Variants in MYO18B observed in about 807,000 individuals in gnomAD.
The protein encoded by MYO18B is unconventional myosin-XVIIIb.
A neutral mutation model predicts 273.0 loss-of-function variants in MYO18B; 204 were observed. That is an observed-to-expected ratio of 0.75 (90% confidence interval 0.67 to 0.84). The LOEUF (loss-of-function observed/expected upper bound fraction) is 0.84, where lower values mean the gene tolerates loss of function less well. Ranked by LOEUF, MYO18B falls within the 40% of genes least tolerant of loss-of-function variation. MYO18B has a pLI of 0.00. For missense variants in MYO18B, 3,212 were observed against 3,287.6 expected, an observed-to-expected ratio of 0.98 and a Z score of 0.56; for synonymous variants, 1,330 against 1,305.7, an observed-to-expected ratio of 1.02 and a Z score of -0.40.
the MYO18B span, among the ~76,000 whole-genome samples, chr22:26,062,544 A>G: frequency 3.3e-5 from 5 of 152,190 alleles, no homozygotes; most frequent in Admixed American, 6.5e-5. Flanking sequence ...CAAGTCGGAA[A>G]CTGGTTCCAT....
At chr22:26,041,168 AAGCTATCATT>A in the MYO18B span, among the ~76,000 whole-genome samples, 1 of 151,800 alleles carries the variant, frequency 6.6e-6, no homozygotes, top group Non-Finnish European at 1.5e-5. Flanking sequence ...TTTTCCTCAT[AAGCTATCATT>A]AGTGTTAGGG....
chr22:25,891,374 T>G lies in MYO18B; in HGVS notation c.4505T>G (p.Ile1502Ser). Residue 1502 changes from isoleucine to serine, a missense_variant, in exon 27 of 44, where the codon ATT becomes AGT. Coordinates refer to ENST00000335473, the MANE Select transcript of MYO18B (RefSeq NM_032608.7). ...CAGTTGGAAGAAGCCCAGCAGAAAATTCAGTTGAATGACTTGGAAAGGAAT... is the reference window on the plus strand; with the variant it reads ...CAGTTGGAAGAAGCCCAGCAGAAAAGTCAGTTGAATGACTTGGAAAGGAAT... ...NKQLEEAQQK[I>S]QLNDLERNPT... The G allele has an allele frequency of 6.3e-7, 1 of 1,585,764 alleles. No homozygotes were observed. Among genetic ancestry groups the G allele is most frequent in the Non-Finnish European group, 8.6e-7 (1 of 1,165,834 alleles).
intron 40 of MYO18B, among the ~76,000 whole-genome samples, chr22:26,002,133 C>T (rs532637953): frequency 6.6e-6 from 1 of 152,322 alleles, no homozygotes; most frequent in South Asian, 2.1e-4. Flanking sequence ...TGTTCCACTG[C>T]AGAGTCTTTT....
In MYO18B at chr22:25,753,330, G is replaced by C. The variant is rs568976213; in HGVS notation, c.-109-7654G>C. On this transcript the variant is annotated intron_variant, in intron 1 of 43. Transcript: ENST00000335473. Reference sequence around the variant, plus strand: ...TCAGCAGTCTGGCACTCTGTGTCTAGCTAAGGATTTGTAAACGCACCAATC... The same window carrying C: ...TCAGCAGTCTGGCACTCTGTGTCTACCTAAGGATTTGTAAACGCACCAATC... Among the ~76,000 whole-genome samples, 4 of 152,310 alleles carry C rather than the reference G, an allele frequency of 2.6e-5. No individual in the cohort carries two copies. In the South Asian group the frequency reaches 8.3e-4, roughly 32 times the overall value.
intron 39 of MYO18B, among the ~76,000 whole-genome samples, chr22:25,977,231 A>G (rs1425563005): frequency 6.6e-6 from 1 of 152,118 alleles, no homozygotes; most frequent in Non-Finnish European, 1.5e-5. Context: ...CAGTCATTTT[A>G]ATCATCAGTG....
chr22:25,780,218 G>C lies in MYO18B; in HGVS notation c.2211+20G>C. 1 of 1,592,512 alleles carries C rather than the reference G, an allele frequency of 6.3e-7. No individual in the cohort carries two copies. Among genetic ancestry groups the C allele is most frequent in the Non-Finnish European group, 8.5e-7 (1 of 1,172,102 alleles). On this transcript the variant is annotated intron_variant, in intron 9 of 43. Transcript: ENST00000335473. ...CTCCAGGTGAGGCCTCTCGGGGGAT[G>C]TGCAAGGGGGCCCTTGGGGCTGCTG... is the stretch of plus-strand genomic sequence containing the variant.
rs763943362 is a variant in MYO18B, at chr22:25,828,846, CG to C, written c.2859del (p.His954ThrfsTer86). On this transcript the variant is annotated frameshift_variant, in exon 15 of 44. Transcript: ENST00000335473. LOFTEE classifies it high-confidence loss of function. Reference protein sequence around the residue: ...VVDSPGFQNPRHQGKDRAATF... With the variant: ...VVDSPGFQNPXHQGKDRAATF... The stretch of plus-strand genomic sequence containing the variant: ...GGACTCTCCAGGCTTCCAGAACCCC[CG>C]GCACCAGGGCAAGGACCGGGCGGCC... The C allele has an allele frequency of 4.3e-5, 69 of 1,613,848 alleles. No individual in the cohort carries two copies. Among genetic ancestry groups the C allele is most frequent in the Non-Finnish European group, 5.6e-5 (66 of 1,179,902 alleles).
At chr22:25,973,725 T>C (rs2093060009) in intron 39 of MYO18B, among the ~76,000 whole-genome samples, 1 of 152,206 alleles carries the variant, frequency 6.6e-6, no homozygotes, top group Non-Finnish European at 1.5e-5. Context: ...ACAAGCATAA[T>C]CCTTTTGTGC....
chr22:25,953,676 T>C (rs1026487793), intron 38 of MYO18B: 7 of 152,194 alleles, frequency 4.6e-5, no homozygotes, highest in African/African-American at 1.7e-4. Flanking sequence ...TTTTAAATAA[T>C]TAAATATGTA....
intron 21 of MYO18B, among the ~76,000 whole-genome samples, chr22:25,855,850 T>C (rs2090557484): frequency 6.6e-6 from 1 of 152,050 alleles, no homozygotes; most frequent in Non-Finnish European, 1.5e-5. Flanking sequence ...GAACTCTTGT[T>C]TTAGGTTCAG....
intron 43 of MYO18B, chr22:26,028,248 G>C (rs1254103389): frequency 5.3e-5 from 6 of 112,946 alleles, no homozygotes; most frequent in African/African-American, 2.5e-4. Context: ...CTCTGTCTCA[G>C]GGAAAAAAAA....
intron 17 of MYO18B, among the ~76,000 whole-genome samples, chr22:25,843,377 T>C (rs1442818300): frequency 6.6e-6 from 1 of 152,208 alleles, no homozygotes; most frequent in Admixed American, 6.5e-5. Flanking sequence ...TGATGCTTCT[T>C]TTAAAATGAA....
Position 25,809,244 on chromosome 22 carries a change from G to T in MYO18B, c.2521+11147G>T, listed in dbSNP as rs111906599. ...AGGAGTGAGCCACCAGCCTGGGCTG[G>T]TCTTTAACCTTCTCTGATCCCTGTG... is the stretch of plus-strand genomic sequence containing the variant. On this transcript the variant is annotated intron_variant, in intron 12 of 43. Transcript: ENST00000335473. Among the ~76,000 whole-genome samples the T allele has an allele frequency of 2.0e-3, 307 of 152,202 alleles. 2 individuals are homozygous for T. Among genetic ancestry groups the T allele is most frequent in the African/African-American group, 7.2e-3 (299 of 41,542 alleles).
chr22:25,986,973 G>A lies in MYO18B; in HGVS notation c.6157-5390G>A, dbSNP rs78846163. Among the ~76,000 whole-genome samples, 299 of 152,182 alleles carry A rather than the reference G, an allele frequency of 2.0e-3. 1 individual carries two copies. Among genetic ancestry groups the A allele is most frequent in the African/African-American group, 6.9e-3 (288 of 41,522 alleles). Reference sequence around the variant, plus strand: ...CCAGGCTCTGTAACATTTTCTGCTTGTCTTTGCTAAATCAGAAGAAAGCAA... The same window carrying A: ...CCAGGCTCTGTAACATTTTCTGCTTATCTTTGCTAAATCAGAAGAAAGCAA... On this transcript the variant is annotated intron_variant, in intron 39 of 43. Coordinates refer to ENST00000335473, the MANE Select transcript of MYO18B (RefSeq NM_032608.7).
In MYO18B at chr22:25,933,695, A is replaced by G. The variant is rs1256025264; in HGVS notation, c.5517+12286A>G. On this transcript the variant is annotated intron_variant, in intron 34 of 43. Transcript: ENST00000335473. ...ATTGGTTTATTGTTGTTGCGGTTGT[A>G]TGTGACTACCACAATTTATCTTATC... Among the ~76,000 whole-genome samples, 3 of 151,926 alleles carry G rather than the reference A, an allele frequency of 2.0e-5. No homozygotes were observed. The East Asian group carries it at 5.8e-4, about 29-fold the overall frequency.
intron 15 of MYO18B, among the ~76,000 whole-genome samples, chr22:25,830,160 A>G (rs892313074): frequency 1.5e-4 from 23 of 152,340 alleles, no homozygotes; most frequent in African/African-American, 4.1e-4. Flanking sequence ...AAGCACCAAC[A>G]TAAATGAATC....
chr22:26,060,858 T>A, the MYO18B span, among the ~76,000 whole-genome samples: 1 of 105,590 alleles, frequency 9.5e-6, no homozygotes, highest in African/African-American at 7.6e-5. Context: ...CATATACATA[T>A]ATACACAAAC....
intron 7 of MYO18B, among the ~76,000 whole-genome samples, chr22:25,773,656 GGTTTCACCGT>G (rs1472508260): frequency 6.6e-6 from 1 of 152,128 alleles, no homozygotes; most frequent in African/African-American, 2.4e-5. Flanking sequence ...GTAGAGATGG[GGTTTCACCGT>G]GTTAGCCAGG....
intron 39 of MYO18B, among the ~76,000 whole-genome samples, chr22:25,977,126 G>A (rs1490411759): frequency 6.6e-6 from 1 of 152,096 alleles, no homozygotes; most frequent in South Asian, 2.1e-4. Flanking sequence ...AACAGATGTG[G>A]GATCCATTTC....
Sources: gnomAD v4.1 joint callset for allele counts (sites outside exome capture counted in the v4.1 genomes callset) on GRCh38, gnomAD v4.1.1 for gene constraint, MANE v1.5 for transcripts, NCBI Gene and HGNC (gene_info 2026-07-23, HGNC 2026-07-21) for gene names.